AUTS2: variants seen among roughly 807,000 people sequenced by gnomAD.
AUTS2 encodes activator of transcription and developmental regulator AUTS2.
In AUTS2, 17 loss-of-function variants were observed where a neutral mutation model predicts 112.4. The observed-to-expected ratio is 0.15, with a 90% CI of 0.10 to 0.23. The LOEUF is 0.23. Ranked by LOEUF, AUTS2 falls within the 10% of genes least tolerant of loss-of-function variation. The pLI, the probability that AUTS2 is intolerant of heterozygous loss-of-function variation, is 1.00. For missense variants in AUTS2, 1,510 were observed against 1,701.6 expected (o/e 0.89, Z 1.98); for synonymous variants, 751 against 702.7 (o/e 1.07, Z -1.09).
At chr7:70,760,710 C>T (rs1416949390) in intron 6 of AUTS2, among the ~76,000 whole-genome samples, 3 of 152,216 alleles carry the variant, frequency 2.0e-5, no homozygotes, top group Non-Finnish European at 4.4e-5. Flanking sequence ...GCAGCAAGGG[C>T]TTGGGGTGCC....
intron 4 of AUTS2, among the ~76,000 whole-genome samples, chr7:70,184,737 A>G (rs1030387404): frequency 6.6e-6 from 1 of 152,192 alleles, no homozygotes; most frequent in African/African-American, 2.4e-5. Flanking sequence ...TCTAGTGGTT[A>G]CAGACAAGAG....
intron 4 of AUTS2, among the ~76,000 whole-genome samples, chr7:70,339,807 A>C (rs1252292105): frequency 1.3e-5 from 2 of 152,164 alleles, no homozygotes; most frequent in Admixed American, 6.5e-5. Flanking sequence ...TAAGTATTAG[A>C]CTTTAGACTG....
intron 4 of AUTS2, among the ~76,000 whole-genome samples, chr7:70,350,919 A>G (rs1308387234): frequency 6.6e-6 from 1 of 151,208 alleles, no homozygotes; most frequent in African/African-American, 2.4e-5. Flanking sequence ...TTTTGTTTCT[A>G]TGTCTTTGAC....
Position 70,790,803 on chromosome 7 carries a change from G to A in AUTS2, c.3587G>A (p.Arg1196His). 2.5e-6 allele frequency: 4 copies of A among 1,606,178 alleles called. No homozygotes were observed. The East Asian group carries it at 6.7e-5, about 27-fold the overall frequency. The change falls in exon 19 of 19, where the codon CGC (arginine) becomes CAC (histidine). Residue 1196 changes from arginine (R) to histidine (H), a missense_variant. Physicochemically the swap from Arg to His is conservative, Grantham distance 29. Transcript: ENST00000342771. The surrounding 1 kb of genome is among the most constrained non-coding windows in gnomAD (Gnocchi z 7.6). ...GGACTCCCCAGCATGCACTATCCCC[G>A]CATCAGCCCCACCGCGGGCAACCAG... ...TPGLPSMHYPRISPTAGNQNG... is the reference protein window; with the variant it reads ...TPGLPSMHYPHISPTAGNQNG...
At chr7:69,997,103 C>G (rs879558836) in intron 2 of AUTS2, among the ~76,000 whole-genome samples, 6 of 152,166 alleles carry the variant, frequency 3.9e-5, no homozygotes, top group Non-Finnish European at 8.8e-5. Context: ...CTAAGTGCTT[C>G]TTAAGGTCTG....
chr7:69,637,745 A>T (rs537550682), intron 1 of AUTS2, among the ~76,000 whole-genome samples: 1 of 152,304 alleles, frequency 6.6e-6, no homozygotes, highest in Admixed American at 6.5e-5. Flanking sequence ...GATCTTCTTG[A>T]GGCAGTGAAA....
At chr7:70,469,166 C>T (rs1277641238) in intron 5 of AUTS2, among the ~76,000 whole-genome samples, 2 of 152,182 alleles carry the variant, frequency 1.3e-5, no homozygotes, top group Non-Finnish European at 2.9e-5. Flanking sequence ...ATATCCATCA[C>T]GGAGCAGCTA....
intron 2 of AUTS2, among the ~76,000 whole-genome samples, chr7:70,051,697 C>T (rs1266388223): frequency 6.6e-6 from 1 of 152,008 alleles, no homozygotes; most frequent in Non-Finnish European, 1.5e-5. Context: ...TCATCCTGGG[C>T]AACAAGAACA....
intron 2 of AUTS2, among the ~76,000 whole-genome samples, chr7:70,023,382 G>C (rs1469188728): frequency 6.6e-6 from 1 of 152,134 alleles, no homozygotes; most frequent in Admixed American, 6.5e-5. Context: ...TTCATTTTCA[G>C]AGACTGGAAT....
intron 1 of AUTS2, among the ~76,000 whole-genome samples, chr7:69,835,783 G>A (rs1240145570): frequency 6.6e-6 from 1 of 152,286 alleles, no homozygotes; most frequent in East Asian, 1.9e-4. Flanking sequence ...GGAGACATTC[G>A]TTTCCTGGAA....
intron 5 of AUTS2, among the ~76,000 whole-genome samples, chr7:70,455,684 G>A (rs1796710397): frequency 6.6e-6 from 1 of 152,148 alleles, no homozygotes; most frequent in African/African-American, 2.4e-5. Context: ...TACTTCAAGA[G>A]GCCAAGGTGG....
chr7:70,444,343 C>CGTGTGTGTGTGTGTGTGTGTGTGT (rs370735846), intron 5 of AUTS2, among the ~76,000 whole-genome samples: 6 of 138,766 alleles, frequency 4.3e-5, no homozygotes, highest in Admixed American at 2.2e-4. Flanking sequence ...TGGTCATGTA[C>CGTGTGTGTGTGTGTGTGTGTGTGT]GTGTGTGTGT....
chr7:69,730,663 C>A (rs556340507), intron 1 of AUTS2, among the ~76,000 whole-genome samples: 4 of 152,126 alleles, frequency 2.6e-5, no homozygotes, highest in Admixed American at 2.0e-4. Context: ...TGCACTTAAG[C>A]CTTCTCTTAA....
At chr7:70,314,856 G>T (rs141283468) in intron 4 of AUTS2, among the ~76,000 whole-genome samples, 27 of 152,256 alleles carry the variant, frequency 1.8e-4, no homozygotes, top group Non-Finnish European at 3.7e-4. Context: ...TGTCACATCA[G>T]TCATTCCTTT....
chr7:70,136,347 C>T (rs1584775626), intron 4 of AUTS2, among the ~76,000 whole-genome samples: 1 of 152,164 alleles, frequency 6.6e-6, no homozygotes, highest in Admixed American at 6.6e-5. Flanking sequence ...TCAACTGTGA[C>T]AAAAATGCCC....
intron 4 of AUTS2, among the ~76,000 whole-genome samples, chr7:70,163,129 C>A (rs1172159197): frequency 1.3e-5 from 2 of 151,714 alleles, no homozygotes. Flanking sequence ...TGTGCAGCCA[C>A]CTCATGGCTG....
intron 4 of AUTS2, among the ~76,000 whole-genome samples, chr7:70,185,376 G>C (rs762830531): frequency 6.7e-5 from 10 of 150,320 alleles, no homozygotes; most frequent in Admixed American, 1.3e-4. Flanking sequence ...CAAAGTGCTG[G>C]GATTACAGTT....
At chr7:70,598,238 T>C (rs1014721041) in intron 5 of AUTS2, among the ~76,000 whole-genome samples, 9 of 152,190 alleles carry the variant, frequency 5.9e-5, no homozygotes, top group African/African-American at 2.2e-4. Flanking sequence ...TGTTTTGTCA[T>C]TGCTACCATG....
chr7:69,717,190 G>T (rs556562380), intron 1 of AUTS2, among the ~76,000 whole-genome samples: 1 of 152,306 alleles, frequency 6.6e-6, no homozygotes, highest in African/African-American at 2.4e-5. Context: ...ACATCAAAAT[G>T]GAATTAAATG....
Sources: allele counts gnomAD v4.1 joint callset (sites outside exome capture counted in the v4.1 genomes callset), GRCh38; gene constraint gnomAD v4.1.1; non-coding constraint Gnocchi (gnomAD v3.1); transcripts MANE v1.5; gene names NCBI Gene and HGNC (gene_info 2026-07-23, HGNC 2026-07-21).